Variants in GIP observed in about 807,000 individuals in gnomAD.
GIP encodes the protein gastric inhibitory polypeptide, also known as glucose-dependent insulinotropic polypeptide.
A neutral mutation model predicts 18.1 loss-of-function variants in GIP; 16 were observed. The observed-to-expected ratio is 0.88, with a 90% confidence interval of 0.60 to 1.34. GIP has a LOEUF of 1.34. Among genes scored for constraint, GIP ranks in the 40% most tolerant of loss-of-function variants. GIP has a pLI of 0.00. For missense variants in GIP, 192 were observed against 183.4 expected, an observed-to-expected ratio of 1.05 and a Z score of -0.27; for synonymous variants, 76 against 74.0, an observed-to-expected ratio of 1.03 and a Z score of -0.14.
intron 3 of GIP, among the ~76,000 whole-genome samples, chr17:48,962,478 C>T (rs2143847721): frequency 1.3e-5 from 2 of 152,112 alleles, no homozygotes; most frequent in Admixed American, 1.3e-4. Flanking sequence ...AAGCAATTCT[C>T]ATGCCTCAGC....
chr17:48,963,862 A>G (rs189728290), intron 3 of GIP, among the ~76,000 whole-genome samples: 33 of 136,774 alleles, frequency 2.4e-4, no homozygotes, highest in East Asian at 1.0e-3. Flanking sequence ...AAAAAAAAAA[A>G]AGAGAGAGAG....
chr17:48,964,434 G>A lies in GIP; in HGVS notation c.133C>T (p.Pro45Ser). The part of the protein sequence containing the change: ...PVGSHAKVSS[P>S]QPRGPRYAEG... Reference sequence around the variant, plus strand: ...GCGTACCTGGGGCCTCGAGGTTGAGGGCTGCTCACCTTAGCATGAGATCCA... The same window carrying A: ...GCGTACCTGGGGCCTCGAGGTTGAGAGCTGCTCACCTTAGCATGAGATCCA... The change falls in exon 3 of 6, where the codon CCT (proline) becomes TCT (serine). Residue 45 changes from proline to serine, a missense_variant. Physicochemically the swap from Pro to Ser is moderately conservative, Grantham distance 74. Transcript: ENST00000357424. 6.2e-7 allele frequency: 1 copy of A among 1,614,070 alleles called. No individual in the cohort carries two copies. Among genetic ancestry groups the A allele is most frequent in the South Asian group, 1.1e-5 (1 of 91,086 alleles).
intron 5 of GIP, among the ~76,000 whole-genome samples, chr17:48,959,003 CG>C (rs2143843703): frequency 6.6e-6 from 1 of 151,874 alleles, no homozygotes; most frequent in East Asian, 1.9e-4. Flanking sequence ...TACAGGCGCC[CG>C]CCTCCACGCC....
intron 3 of GIP, among the ~76,000 whole-genome samples, chr17:48,964,087 G>A (rs2041218143): frequency 6.7e-6 from 1 of 149,088 alleles, no homozygotes; most frequent in Non-Finnish European, 1.5e-5. Context: ...GTGAACCCGG[G>A]AGGCGGAGCT....
At chr17:48,967,346 TCTTTTC>T in intron 1 of GIP, 93 bp from the exon 2 acceptor site, 3 of 785,740 alleles carry the variant, frequency 3.8e-6, no homozygotes, top group Non-Finnish European at 2.1e-6. Flanking sequence ...TTGGACCCTT[TCTTTTC>T]CTTTTTCTTT....
At chr17:48,963,024 G>C (rs984266959) in intron 3 of GIP, among the ~76,000 whole-genome samples, 1 of 151,494 alleles carries the variant, frequency 6.6e-6, no homozygotes, top group Non-Finnish European at 1.5e-5. Flanking sequence ...GGAGAATGAC[G>C]TGAACCCGGG....
chr17:48,962,671 C>A (rs2041207164), intron 3 of GIP, among the ~76,000 whole-genome samples: 1 of 152,048 alleles, frequency 6.6e-6, no homozygotes, highest in Non-Finnish European at 1.5e-5. Context: ...CTGGCCCTAG[C>A]CAATCCTGTT....
chr17:48,962,947 A>C (rs1050144033), intron 3 of GIP, among the ~76,000 whole-genome samples: 1 of 151,682 alleles, frequency 6.6e-6, no homozygotes, highest in Non-Finnish European at 1.5e-5. Context: ...TACTAAAAAA[A>C]TGCAAAAAAA....
intron 1 of GIP, 21 bp from the exon 2 acceptor site, chr17:48,967,274 G>A: frequency 6.5e-7 from 1 of 1,543,382 alleles, no homozygotes; most frequent in East Asian, 2.2e-5. Context: ...AAAAAGCCAG[G>A]ACATGTTGAG....
intron 5 of GIP, among the ~76,000 whole-genome samples, 157 bp from the exon 6 acceptor site, chr17:48,958,873 GAGAC>G (rs2041183527): frequency 5.8e-5 from 4 of 69,542 alleles, no homozygotes; most frequent in Non-Finnish European, 1.2e-4. Flanking sequence ...TTTTTTTTTT[GAGAC>G]GGAGTCTCGC....
intron 2 of GIP, among the ~76,000 whole-genome samples, chr17:48,965,849 G>T (rs888789924): frequency 4.6e-5 from 7 of 152,122 alleles, no homozygotes; most frequent in African/African-American, 1.7e-4. Flanking sequence ...TTTTGTGAAT[G>T]GAGAAACCAA....
chr17:48,961,074 G>T (rs2041198299), intron 4 of GIP, 87 bp from the exon 5 acceptor site: 1 of 796,642 alleles, frequency 1.3e-6, no homozygotes, highest in Non-Finnish European at 1.9e-6. Context: ...CCACTGAGGG[G>T]CAGCCGCGGA....
At position 48,961,783 on chromosome 17, in the gene GIP, C is replaced by T. The variant is rs764969222; in HGVS notation, c.294G>A (p.Ala98=). ...TATTAGCTTGACTGGCCAGCTCCAG[C>T]GCCCGAGCCTCCCTCTGGGTGATGT... ...KHNITQREAR[A]LELASQANRK... is the part of the protein sequence containing the mutation. Residue 98 remains alanine, a synonymous_variant, in exon 4 of 6, where the codon GCG becomes GCA. Coordinates refer to ENST00000357424, the MANE Select transcript of GIP (RefSeq NM_004123.3). 9.9e-6 allele frequency: 16 copies of T among 1,612,776 alleles called. No homozygotes were observed. The highest frequency in any genetic ancestry group is 2.7e-5 in the African/African-American group (2 of 74,918).
intron 2 of GIP, among the ~76,000 whole-genome samples, chr17:48,964,760 C>T (rs1182159967): frequency 1.3e-5 from 2 of 152,142 alleles, no homozygotes; most frequent in South Asian, 4.1e-4. Context: ...CTTTGGGAGG[C>T]CAAGGCAGGC....
intron 3 of GIP, among the ~76,000 whole-genome samples, chr17:48,962,486 A>T (rs1273476578): frequency 2.0e-5 from 3 of 152,072 alleles, no homozygotes; most frequent in Non-Finnish European, 4.4e-5. Flanking sequence ...CTCATGCCTC[A>T]GCCTCCCGAG....
chr17:48,967,059 C>T, intron 2 of GIP, 88 bp downstream of exon 2: 1 of 998,840 alleles, frequency 1.0e-6, no homozygotes, highest in Non-Finnish European at 1.6e-6. Flanking sequence ...GATTCCTTCC[C>T]TTTCTCATCT....
intron 1 of GIP, among the ~76,000 whole-genome samples, chr17:48,967,980 A>G (rs1432307455): frequency 6.6e-6 from 1 of 151,970 alleles, no homozygotes; most frequent in African/African-American, 2.4e-5. Flanking sequence ...TGAACCTGGG[A>G]GGAAGAGGTT....
chr17:48,966,413 G>A lies in GIP; in HGVS notation c.86+734C>T, dbSNP rs138054028. 1.5e-3 allele frequency among the ~76,000 whole-genome samples: 225 copies of A among 151,610 alleles called. 3 individuals carry two copies. Among genetic ancestry groups the A allele is most frequent in the Admixed American group, 0.013 (196 of 15,150 alleles). On this transcript the variant is annotated intron_variant, in intron 2 of 5. Transcript: ENST00000357424. ...TCTACTAAAAGTACAAAAATTAGCCGGGTGTGGTGGTGGGCACCTGTAATC... is the reference window on the plus strand; with the variant it reads ...TCTACTAAAAGTACAAAAATTAGCCAGGTGTGGTGGTGGGCACCTGTAATC...
At chr17:48,964,270 C>T (rs777787379) in intron 3 of GIP, 40 bp downstream of exon 3, 1 of 1,561,320 alleles carries the variant, frequency 6.4e-7, no homozygotes, top group East Asian at 2.2e-5. Flanking sequence ...GAAGGCAGAG[C>T]CCGGCACAGG....
Sources: gnomAD v4.1 joint callset for allele counts (sites outside exome capture counted in the v4.1 genomes callset) on GRCh38, gnomAD v4.1.1 for gene constraint, MANE v1.5 for transcripts, NCBI Gene and HGNC (gene_info 2026-07-23, HGNC 2026-07-21) for gene names.